Variants in C1GALT1 observed in about 807,000 individuals in gnomAD.
C1GALT1 encodes core 1 synthase, glycoprotein-N-acetylgalactosamine 3-beta-galactosyltransferase 1, also known as glycoprotein-N-acetylgalactosamine 3-beta-galactosyltransferase 1.
In C1GALT1, 11 loss-of-function variants were observed where a neutral mutation model predicts 31.0. The observed-to-expected ratio is 0.36, with a 90% CI of 0.22 to 0.59. The LOEUF is 0.59. Ranked by LOEUF, C1GALT1 falls within the 20% of genes least tolerant of loss-of-function variation. The probability of loss-of-function intolerance (pLI) is 0.79; values close to 1 mark genes in which losing one functional copy is unlikely to be tolerated. For missense variants in C1GALT1, 424 were observed against 425.2 expected (o/e 1.00, Z 0.03); for synonymous variants, 175 against 143.6 (o/e 1.22, Z -1.56).
chr7:7,209,020 C>G (rs1207823161), intron 1 of C1GALT1, among the ~76,000 whole-genome samples: 1 of 152,182 alleles, frequency 6.6e-6, no homozygotes, highest in African/African-American at 2.4e-5. Flanking sequence ...CAGACTCATT[C>G]TTGGTGCTTT....
upstream of C1GALT1, among the ~76,000 whole-genome samples, chr7:7,181,756 G>C (rs544545415): frequency 2.0e-5 from 3 of 152,112 alleles, no homozygotes; most frequent in Non-Finnish European, 4.4e-5. Flanking sequence ...AAGGAAGCAG[G>C]GTAGCTTTCC....
At chr7:7,180,071 A>G (rs1365375556), upstream of C1GALT1, among the ~76,000 whole-genome samples, 1 of 152,204 alleles carries the variant, frequency 6.6e-6, no homozygotes, top group African/African-American at 2.4e-5. Flanking sequence ...CTAGTAAAGA[A>G]GAAAGGATTT....
chr7:7,247,274 A>G lies in C1GALT1; in HGVS notation c.*3547A>G, dbSNP rs1191814349. On this transcript the variant is annotated 3_prime_UTR_variant, in exon 4 of 4. Coordinates refer to ENST00000436587, the MANE Select transcript of C1GALT1 (RefSeq NM_020156.5). Reference sequence around the variant, plus strand: ...GATGTATTCACTATCTTTTAGATTAAGATCTTTGTTATTTGGTAAATGATT... The same window carrying G: ...GATGTATTCACTATCTTTTAGATTAGGATCTTTGTTATTTGGTAAATGATT... 6.6e-6 allele frequency: 1 copy of G among 152,112 alleles called. No individual in the cohort carries two copies. The highest frequency in any genetic ancestry group is 1.5e-5 in the Non-Finnish European group (1 of 67,972). 9.4% of individuals were successfully genotyped at this position (152,112 alleles called of 1,614,324 possible). A position where few individuals can be genotyped will look rare whatever the true frequency, so the allele number is the denominator to read the frequency against.
At position 7,246,706 on chromosome 7, in the gene C1GALT1, A is replaced by C. The variant is rs1783861301; in HGVS notation, c.*2979A>C. ...GGGGCAGGGGCTAGCAGTTGTGTTTAAGCAAACTCTGCAGGTGTCTTTCTT... is the reference window on the plus strand; with the variant it reads ...GGGGCAGGGGCTAGCAGTTGTGTTTCAGCAAACTCTGCAGGTGTCTTTCTT... On this transcript the variant is annotated 3_prime_UTR_variant, in exon 4 of 4. Transcript: ENST00000436587. 1 of 152,512 alleles carries C rather than the reference A, an allele frequency of 6.6e-6. No homozygotes were observed. Among genetic ancestry groups the C allele is most frequent in the South Asian group, 2.1e-4 (1 of 4,824 alleles). The allele number at this position is 152,512 out of a possible 1,614,324, so 9.4% of individuals were successfully genotyped here.
In C1GALT1 at chr7:7,182,786, C is replaced by CA; in HGVS notation, c.-51dup. 1.0e-6 allele frequency: 1 copy of CA among 985,542 alleles called. No individual in the cohort carries two copies. The highest frequency in any genetic ancestry group is 4.7e-5 in the South Asian group (1 of 21,292). 61.0% of individuals were successfully genotyped at this position (985,542 alleles called of 1,614,324 possible). A position where few individuals can be genotyped will look rare whatever the true frequency, so the allele number is the denominator to read the frequency against. On this transcript the variant is annotated 5_prime_UTR_variant, in exon 1 of 4. Transcript: ENST00000436587. ...CCAAGTCGTCCCCCTCTCCGCCCCC[C>CA]AGGAGGGGCGAGAGGGAGCCGCAGC...
chr7:7,187,739 AGAG>A (rs1225756112), intron 1 of C1GALT1, among the ~76,000 whole-genome samples: 1 of 152,202 alleles, frequency 6.6e-6, no homozygotes, highest in Non-Finnish European at 1.5e-5. Context: ...TGTTGTAGTC[AGAG>A]AAGACAGTAG....
chr7:7,164,097 T>C (rs1277042952), intron 2 of C1GALT1, among the ~76,000 whole-genome samples: 2 of 152,152 alleles, frequency 1.3e-5, no homozygotes, highest in African/African-American at 2.4e-5. Flanking sequence ...CAAAACAGCA[T>C]GGTACTGGTA....
intron 1 of C1GALT1, among the ~76,000 whole-genome samples, chr7:7,218,694 A>G (rs150907822): frequency 3.4e-4 from 52 of 152,288 alleles, no homozygotes; most frequent in African/African-American, 1.0e-3. Context: ...ACAGTAGAAG[A>G]TGTGCTAGTG....
At position 7,201,301 on chromosome 7, in the gene C1GALT1, C is replaced by T. The variant is rs1378426172; in HGVS notation, c.-18+18481C>T. The stretch of plus-strand genomic sequence containing the variant: ...ACCGTGTTAGCCTGGTTATCACCAG[C>T]GGAGGCTGCAGAACAGCGAATGTTG... On this transcript the variant is annotated intron_variant, in intron 1 of 3. Transcript: ENST00000436587. Among the ~76,000 whole-genome samples, 6 of 152,322 alleles carry T rather than the reference C, an allele frequency of 3.9e-5. No individual in the cohort carries two copies. The South Asian group carries it at 1.0e-3, about 26-fold the overall frequency.
At chr7:7,189,585 A>G (rs34971257) in intron 1 of C1GALT1, among the ~76,000 whole-genome samples, 21,761 of 151,928 alleles carry the variant, frequency 0.14, 1,957 homozygotes, top group Middle Eastern at 0.29. Flanking sequence ...TTGGTTAACT[A>G]TCTTTTTTAT....
At position 7,243,938 on chromosome 7, in the gene C1GALT1, G is replaced by A. The variant is rs1047763; in HGVS notation, c.*211G>A. 0.2 allele frequency: 69,086 copies of A among 344,742 alleles called. 8,889 individuals carry two copies. The highest frequency in any genetic ancestry group is 0.57 in the East Asian group (10,819 of 19,102). The allele number at this position is 344,742 out of a possible 1,614,324, so 21.4% of individuals were successfully genotyped here. A position where few individuals can be genotyped will look rare whatever the true frequency, so the allele number is the denominator to read the frequency against. ...TTTTGATACAGTAATATATAAATATGTCTATATATATGAGGAACTTGTGTT... is the reference window on the plus strand; with the variant it reads ...TTTTGATACAGTAATATATAAATATATCTATATATATGAGGAACTTGTGTT... On this transcript the variant is annotated 3_prime_UTR_variant, in exon 4 of 4. Transcript: ENST00000436587.
At chr7:7,176,424 A>C (rs913020026) in intron 2 of C1GALT1, among the ~76,000 whole-genome samples, 1 of 152,224 alleles carries the variant, frequency 6.6e-6, no homozygotes, top group African/African-American at 2.4e-5. Flanking sequence ...CAACTATTTC[A>C]CTTACAACAA....
intron 1 of C1GALT1, among the ~76,000 whole-genome samples, chr7:7,202,495 G>A (rs948108131): frequency 6.6e-6 from 1 of 152,162 alleles, no homozygotes; most frequent in Non-Finnish European, 1.5e-5. Flanking sequence ...TTTTCCCATT[G>A]AATGGTCTTG....
chr7:7,244,534 G>T lies in C1GALT1; in HGVS notation c.*807G>T, dbSNP rs1241431529. The T allele has an allele frequency of 6.6e-6, 1 of 152,036 alleles. No homozygotes were observed. The highest frequency in any genetic ancestry group is 2.4e-5 in the African/African-American group (1 of 41,404). 9.4% of individuals were successfully genotyped at this position (152,036 alleles called of 1,614,324 possible). ...ATTTTACATATTTGTTCCCAAATTT[G>T]CCCATTGTTCATTATGGGTAACTAA... On this transcript the variant is annotated 3_prime_UTR_variant, in exon 4 of 4. Transcript: ENST00000436587.
chr7:7,189,310 A>T (rs1253158084), intron 1 of C1GALT1, among the ~76,000 whole-genome samples: 1 of 152,168 alleles, frequency 6.6e-6, no homozygotes, highest in Non-Finnish European at 1.5e-5. Flanking sequence ...TGATATATCA[A>T]GGCATAATTA....
intron 1 of C1GALT1, among the ~76,000 whole-genome samples, chr7:7,213,536 C>T (rs1196365235): frequency 6.6e-6 from 1 of 152,064 alleles, no homozygotes; most frequent in African/African-American, 2.4e-5. Flanking sequence ...TTTCAGGGGC[C>T]CTCTGAGCCA....
chr7:7,214,753 C>G (rs1231424313), intron 1 of C1GALT1, among the ~76,000 whole-genome samples: 1 of 152,178 alleles, frequency 6.6e-6, no homozygotes, highest in Non-Finnish European at 1.5e-5. Context: ...GTAGGCCGAA[C>G]AAACTTTCGG....
At chr7:7,240,407 T>G (rs1039156959) in intron 3 of C1GALT1, among the ~76,000 whole-genome samples, 1 of 152,192 alleles carries the variant, frequency 6.6e-6, no homozygotes, top group Non-Finnish European at 1.5e-5. Context: ...TTTGATAGTC[T>G]GTTTTTCTAT....
intron 1 of C1GALT1, among the ~76,000 whole-genome samples, chr7:7,194,039 T>C (rs987763036): frequency 1.3e-5 from 2 of 152,174 alleles, no homozygotes; most frequent in Non-Finnish European, 2.9e-5. Context: ...CCTGAAACTT[T>C]ACTGAATTCA....
Sources: allele counts gnomAD v4.1 joint callset (sites outside exome capture counted in the v4.1 genomes callset), GRCh38; gene constraint gnomAD v4.1.1; transcripts MANE v1.5; gene names NCBI Gene and HGNC (gene_info 2026-07-23, HGNC 2026-07-21).